GAB3: variants seen among roughly 807,000 people sequenced by gnomAD.
GAB3 encodes the protein GRB2-associated-binding protein 3.
A neutral mutation model predicts 40.4 loss-of-function variants in GAB3; 12 were observed. The ratio of observed to expected loss-of-function variants is 0.30; its 90% confidence interval spans 0.19 to 0.48. The LOEUF is 0.48. Ranked by LOEUF, GAB3 falls within the 20% of genes least tolerant of loss-of-function variation. GAB3 has a pLI of 0.99. For synonymous variants in GAB3, 154 were observed against 176.7 expected, an observed-to-expected ratio of 0.87 and a Z score of 1.02; for missense variants, 381 against 461.9, an observed-to-expected ratio of 0.82 and a Z score of 1.61.
intron 8 of GAB3, among the ~76,000 whole-genome samples, chrX:154,690,993 C>T (rs2070553112): frequency 9.1e-6 from 1 of 110,203 alleles, no homozygotes; most frequent in South Asian, 3.9e-4. Flanking sequence ...GCATTATTCA[C>T]AATAGCAAAG....
Position 154,716,108 on chromosome X carries a change from C to T in GAB3, c.294G>A (p.Val98=). ...VKTTSRTFYL[V]AKTEQEMQVW... ...CCTGCATTTCTTGCTCAGTTTTGGC[C>T]ACCAGGTAGAATGTACGGGAAGTAG... Residue 98 remains valine (V), a synonymous_variant, in exon 2 of 10, where the codon GTG becomes GTA. Coordinates refer to ENST00000424127, the MANE Select transcript of GAB3 (RefSeq NM_001081573.3). 2 of 1,212,040 alleles carry T rather than the reference C, an allele frequency of 1.7e-6. No individual in the cohort carries two copies. The highest frequency in any genetic ancestry group is 2.2e-6 in the Non-Finnish European group (2 of 895,487).
chrX:154,741,545 A>G, intron 1 of GAB3, among the ~76,000 whole-genome samples: 1 of 108,872 alleles, frequency 9.2e-6, no homozygotes, highest in East Asian at 2.9e-4. Context: ...GTGCAGTGGC[A>G]GGCGCCTGTA....
intron 1 of GAB3, among the ~76,000 whole-genome samples, chrX:154,742,669 G>A (rs782129838): frequency 9.0e-6 from 1 of 111,240 alleles, no homozygotes; most frequent in South Asian, 3.8e-4. Context: ...TACTTTAAAT[G>A]AATTTCAGAA....
chrX:154,708,901 T>C (rs2070861415), intron 4 of GAB3, among the ~76,000 whole-genome samples: 1 of 112,061 alleles, frequency 8.9e-6, no homozygotes, highest in South Asian at 3.7e-4. Flanking sequence ...AAGAGATACT[T>C]GCCCTCCTGT....
chrX:154,709,317 C>T (rs912822352), intron 4 of GAB3, among the ~76,000 whole-genome samples: 9 of 67,387 alleles, frequency 1.3e-4, no homozygotes, highest in Admixed American at 4.0e-4. Flanking sequence ...ACCCAGTCTC[C>T]GGCAGTTTTT....
chrX:154,700,010 C>A lies in GAB3; in HGVS notation c.1119G>T (p.Leu373Phe), dbSNP rs782360417. 3.3e-6 allele frequency: 4 copies of A among 1,207,093 alleles called. No homozygotes were observed. The Admixed American group carries it at 8.8e-5, about 26-fold the overall frequency. ...SLRHRDKRLS[L>F]NLPCRFSPMY... Reference sequence around the variant, plus strand: ...ACCTGAATGTTGAACTTACCAAATTCAAACTAAGCCGCTTGTCTCGGTGTC... The same window carrying A: ...ACCTGAATGTTGAACTTACCAAATTAAAACTAAGCCGCTTGTCTCGGTGTC... Residue 373 changes from leucine to phenylalanine, a missense_variant, in exon 5 of 10, where the codon TTG becomes TTT. This residue lies in a region of GAB3 where 364 missense variants were observed against 421.0 expected (regional missense o/e 0.86). Coordinates refer to ENST00000424127, the MANE Select transcript of GAB3 (RefSeq NM_001081573.3).
At chrX:154,733,852 C>G (rs782488358) in intron 1 of GAB3, among the ~76,000 whole-genome samples, 22 of 112,246 alleles carry the variant, frequency 2.0e-4, no homozygotes, top group South Asian at 7.3e-4. Context: ...CTCAAGAGAT[C>G]TCAAATCTAA....
At chrX:154,688,265 G>GT (rs1385817735) in intron 8 of GAB3, among the ~76,000 whole-genome samples, 3 of 107,992 alleles carry the variant, frequency 2.8e-5, no homozygotes, top group South Asian at 3.9e-4. Flanking sequence ...GAGGACTTGG[G>GT]TTTTTTTTGT....
intron 8 of GAB3, among the ~76,000 whole-genome samples, chrX:154,685,474 T>A (rs1031910431): frequency 4.5e-5 from 5 of 111,585 alleles, no homozygotes; most frequent in Non-Finnish European, 7.5e-5. Context: ...ATAAATGTAG[T>A]TTCACCTCCA....
intron 5 of GAB3, 150 bp downstream of exon 5, chrX:154,699,854 A>C: frequency 1.9e-6 from 1 of 513,289 alleles, no homozygotes; most frequent in Non-Finnish European, 3.3e-6. Context: ...CAAGTCCTGT[A>C]GTTCCCAAGC....
At chrX:154,685,884 C>G (rs2070442356) in intron 8 of GAB3, among the ~76,000 whole-genome samples, 1 of 111,482 alleles carries the variant, frequency 9.0e-6, no homozygotes, top group Non-Finnish European at 1.9e-5. Flanking sequence ...AGTCTTGACC[C>G]CTATCTCACA....
At position 154,735,478 on chromosome X, in the gene GAB3, C is replaced by T. The variant is rs782260078; in HGVS notation, c.72+15476G>A. On this transcript the variant is annotated intron_variant, in intron 1 of 9. Transcript: ENST00000424127. The stretch of plus-strand genomic sequence containing the variant: ...ATGGAGCCCATGGGGGTAGTTGGGG[C>T]TTTCACATCTCAGTACATGGCAACT... Among the ~76,000 whole-genome samples the T allele has an allele frequency of 2.1e-3, 240 of 112,085 alleles. 1 individual carries two copies. The highest frequency in any genetic ancestry group is 7.4e-3 in the African/African-American group (227 of 30,848).
chrX:154,708,105 A>T (rs782041820), intron 4 of GAB3, among the ~76,000 whole-genome samples: 20 of 112,414 alleles, frequency 1.8e-4, no homozygotes, highest in African/African-American at 6.5e-4. Flanking sequence ...ACAAGAGAGC[A>T]AAGAATACAC....
At chrX:154,751,236 G>A (rs1557262653), upstream of GAB3, among the ~76,000 whole-genome samples, 1 of 97,613 alleles carries the variant, frequency 1.0e-5, no homozygotes, top group African/African-American at 3.8e-5. Flanking sequence ...AAGCAGCGAA[G>A]CCTGGGAAGC....
At chrX:154,686,212 G>A (rs1293054105) in intron 8 of GAB3, among the ~76,000 whole-genome samples, 4 of 111,079 alleles carry the variant, frequency 3.6e-5, no homozygotes, top group Admixed American at 9.6e-5. Context: ...ACACAGACAT[G>A]AAAATCCTCA....
intron 4 of GAB3, among the ~76,000 whole-genome samples, chrX:154,709,706 G>T (rs978970409): frequency 1.8e-5 from 2 of 110,789 alleles, no homozygotes; most frequent in Non-Finnish European, 3.8e-5. Flanking sequence ...AATGGATAAA[G>T]GATATAATGG....
At chrX:154,746,679 C>T (rs782477299) in intron 1 of GAB3, among the ~76,000 whole-genome samples, 2 of 112,450 alleles carry the variant, frequency 1.8e-5, no homozygotes, top group African/African-American at 6.5e-5. Flanking sequence ...GATGTCTGCT[C>T]TCGTCATTTC....
intron 4 of GAB3, among the ~76,000 whole-genome samples, chrX:154,708,619 A>C (rs782670481): frequency 8.9e-6 from 1 of 112,305 alleles, no homozygotes; most frequent in African/African-American, 3.2e-5. Context: ...AATGCTCGAC[A>C]TCACTAACCA....
intron 8 of GAB3, among the ~76,000 whole-genome samples, chrX:154,692,264 T>C (rs993546944): frequency 8.9e-6 from 1 of 111,838 alleles, no homozygotes; most frequent in East Asian, 2.8e-4. Flanking sequence ...ATCATGTATC[T>C]GATAAGGGGT....
Sources: gnomAD v4.1 joint callset for allele counts (sites outside exome capture counted in the v4.1 genomes callset) on GRCh38, gnomAD v4.1.1 for gene constraint, gnomAD v4.1.1 regional missense constraint, MANE v1.5 for transcripts, NCBI Gene and HGNC (gene_info 2026-07-23, HGNC 2026-07-21) for gene names.